Variants in ZNF217 observed in about 807,000 individuals in gnomAD.
ZNF217 encodes the protein zinc finger protein 217.
A neutral mutation model predicts 73.3 loss-of-function variants in ZNF217; 12 were observed. That is an observed-to-expected ratio of 0.16 (90% confidence interval 0.10 to 0.27). The LOEUF (loss-of-function observed/expected upper bound fraction) is 0.27, where lower values mean the gene tolerates loss of function less well. Ranked by LOEUF, ZNF217 falls within the 10% of genes least tolerant of loss-of-function variation. The probability of loss-of-function intolerance (pLI) is 1.00; values close to 1 mark genes in which losing one functional copy is unlikely to be tolerated. For synonymous variants in ZNF217, 588 were observed against 516.4 expected (o/e 1.14, Z -1.88); for missense variants, 1,195 against 1,327.8 (o/e 0.90, Z 1.55).
upstream of ZNF217, among the ~76,000 whole-genome samples, chr20:53,596,699 C>T (rs1989046629): frequency 1.3e-5 from 2 of 152,082 alleles, no homozygotes; most frequent in Non-Finnish European, 2.9e-5. Flanking sequence ...GAACGTTGGT[C>T]TTCCTATGCT....
chr20:53,583,240 G>A (rs1024513637), intron 1 of ZNF217, 72 bp from the exon 2 acceptor site: 8 of 402,268 alleles, frequency 2.0e-5, no homozygotes, highest in East Asian at 7.1e-5. Context: ...TGAGTCATAC[G>A]GTCTTTTCCA....
At position 53,576,021 on chromosome 20, in the gene ZNF217, G is replaced by A. The variant is rs61730989; in HGVS notation, c.2743C>T (p.Pro915Ser). 10,773 of 1,614,196 alleles carry A rather than the reference G, an allele frequency of 6.7e-3. 52 individuals carry two copies. The highest frequency in any genetic ancestry group is 7.9e-3 in the Non-Finnish European group (9,374 of 1,180,032). The change falls in exon 4 of 6, where the codon CCC becomes TCC. Residue 915 changes from proline (P) to serine (S), a missense_variant. Pro to Ser is a moderately conservative substitution (Grantham distance 74, BLOSUM62 -1). Coordinates refer to ENST00000371471, the MANE Select transcript of ZNF217 (RefSeq NM_006526.3). ...CTGGACTTCAGTCTTTTTGGAAGGG[G>A]CTCACCAAATTCTGCTGCAGTATTG... ...ASNTAAEFGE[P>S]LPKRLKSSVV...
chr20:53,574,089 T>C (rs570474752), intron 4 of ZNF217, among the ~76,000 whole-genome samples: 17 of 151,798 alleles, frequency 1.1e-4, no homozygotes, highest in Non-Finnish European at 1.9e-4. Context: ...AAAAATCATC[T>C]CTTCGTTATT....
chr20:53,585,095 G>GAA (rs748460021), intron 1 of ZNF217, among the ~76,000 whole-genome samples: 2,572 of 46,914 alleles, frequency 0.055, 200 homozygotes, highest in East Asian at 0.14. Flanking sequence ...GTGAGAATTT[G>GAA]AAAAAAAAAA....
At chr20:53,570,970 G>A (rs1334150192) in intron 5 of ZNF217, among the ~76,000 whole-genome samples, 1 of 152,180 alleles carries the variant, frequency 6.6e-6, no homozygotes, top group Non-Finnish European at 1.5e-5. Flanking sequence ...TTTCTGTAAA[G>A]GGCCAGACGG....
rs1437166002 is a variant in ZNF217 at position 53,581,260 on chromosome 20, T to C, written c.1366+201A>G. Among the ~76,000 whole-genome samples the C allele has an allele frequency of 2.0e-5, 3 of 152,094 alleles. No homozygotes were observed. The highest frequency in any genetic ancestry group is 2.9e-5 in the Non-Finnish European group (2 of 68,012). On this transcript the variant is annotated intron_variant, in intron 2 of 5. Transcript: ENST00000371471. This position sits in a 1 kb window ranked among gnomAD's most constrained non-coding sequence, Gnocchi z 4.9. ...AAGGAGACCTCTTAACTCAACCCTGTTATTACAGAAATGAGAAAATTAAGG... is the reference window on the plus strand; with the variant it reads ...AAGGAGACCTCTTAACTCAACCCTGCTATTACAGAAATGAGAAAATTAAGG...
chr20:53,581,875 GCCC>G lies in ZNF217; in HGVS notation c.949_951del (p.Gly317del). 6.2e-7 allele frequency: 1 copy of G among 1,614,136 alleles called. No individual in the cohort carries two copies. The highest frequency in any genetic ancestry group is 8.5e-7 in the Non-Finnish European group (1 of 1,180,032). On this transcript the variant is annotated inframe_deletion, in exon 2 of 6. Transcript: ENST00000371471. This position sits in a 1 kb window ranked among gnomAD's most constrained non-coding sequence, Gnocchi z 4.9. ...TCGTCGTTGTCGGTGCTCCCTTCTT[GCCC>G]CGATTCCTTCACTTCTTGGCAAATG...
intron 1 of ZNF217, among the ~76,000 whole-genome samples, chr20:53,590,984 AC>A (rs923064763): frequency 2.5e-4 from 38 of 152,134 alleles, no homozygotes; most frequent in South Asian, 6.2e-4. Flanking sequence ...ATGCAAATCT[AC>A]CCCCACCTTA....
chr20:53,593,587 G>A (rs1327896194), intron 1 of ZNF217, among the ~76,000 whole-genome samples, 169 bp downstream of exon 1: 1 of 151,910 alleles, frequency 6.6e-6, no homozygotes, highest in Non-Finnish European at 1.5e-5. Context: ...GGAGCCGGCT[G>A]GGGAGGGGGC....
At position 53,577,204 on chromosome 20, in the gene ZNF217, T is replaced by C. The variant is rs753595102; in HGVS notation, c.1560A>G (p.Arg520=). 6.2e-7 allele frequency: 1 copy of C among 1,610,722 alleles called. No individual in the cohort carries two copies. The highest frequency in any genetic ancestry group is 8.5e-7 in the Non-Finnish European group (1 of 1,180,034). The change falls in exon 4 of 6, where the codon AGA becomes AGG. Residue 520 remains arginine (R), a synonymous_variant. Transcript: ENST00000371471. ...CATCGGTTTGTTTTTCCTTGTGATG[T>C]CTCTCCAAGTGATACCTCAGAGATG... is the stretch of plus-strand genomic sequence containing the variant. The part of the protein sequence containing the change: ...QKTSLRYHLE[R]HHKEKQTDVA...
chr20:53,588,604 A>C (rs768680310), intron 1 of ZNF217, among the ~76,000 whole-genome samples: 1,350 of 74,046 alleles, frequency 0.018, 10 homozygotes, highest in South Asian at 0.11. Flanking sequence ...CTATATATAT[A>C]TATATATATA....
intron 1 of ZNF217, among the ~76,000 whole-genome samples, chr20:53,586,285 A>C (rs1481079888): frequency 6.6e-6 from 1 of 152,206 alleles, no homozygotes; most frequent in Non-Finnish European, 1.5e-5. Flanking sequence ...GTTTGGCCAC[A>C]GTCACTAACC....
upstream of ZNF217, among the ~76,000 whole-genome samples, chr20:53,594,440 C>G (rs1049339941): frequency 8.6e-5 from 13 of 151,092 alleles, no homozygotes; most frequent in Admixed American, 7.9e-4. Flanking sequence ...CCCTGCTCCG[C>G]CCCCCGCCGC....
At chr20:53,577,736 G>A (rs1340145348) in intron 3 of ZNF217, among the ~76,000 whole-genome samples, 1 of 152,222 alleles carries the variant, frequency 6.6e-6, no homozygotes, top group Non-Finnish European at 1.5e-5. Context: ...GACATAAGAT[G>A]CAGCATTTTA....
At chr20:53,587,727 G>T (rs932863216) in intron 1 of ZNF217, among the ~76,000 whole-genome samples, 10 of 149,540 alleles carry the variant, frequency 6.7e-5, no homozygotes, top group African/African-American at 2.5e-4. Flanking sequence ...TTTGTACCCT[G>T]AAAACTACAA....
rs1330232604 is a variant in ZNF217 at position 53,567,382 on chromosome 20, T to G, written c.*1906A>C. ...GAAAATAATTGGTATTTTTATACAT[T>G]CAGAAATGTGGTTAAAAAGAGAAAT... is the stretch of plus-strand genomic sequence containing the variant. On this transcript the variant is annotated 3_prime_UTR_variant, in exon 6 of 6. Coordinates refer to ENST00000371471, the MANE Select transcript of ZNF217 (RefSeq NM_006526.3). 1.3e-5 allele frequency: 2 copies of G among 152,658 alleles called. No homozygotes were observed. Among genetic ancestry groups the G allele is most frequent in the Non-Finnish European group, 2.9e-5 (2 of 68,042 alleles). The allele number at this position is 152,658 out of a possible 1,614,324, so 9.5% of individuals were successfully genotyped here. A position where few individuals can be genotyped will look rare whatever the true frequency, so the allele number is the denominator to read the frequency against.
In ZNF217 at chr20:53,575,940, G is replaced by A; in HGVS notation, c.2824C>T (p.Leu942Phe). 3 of 1,614,216 alleles carry A rather than the reference G, an allele frequency of 1.9e-6. No individual in the cohort carries two copies. Among genetic ancestry groups the A allele is most frequent in the Non-Finnish European group, 2.5e-6 (3 of 1,180,044 alleles). The change falls in exon 4 of 6, where the codon CTT becomes TTT. Residue 942 changes from leucine to phenylalanine, a missense_variant. This residue lies in a region of ZNF217 where 649 missense variants were observed against 642.8 expected (regional missense o/e 1.01). Coordinates refer to ENST00000371471, the MANE Select transcript of ZNF217 (RefSeq NM_006526.3). ...CCTCTGACCATATGGTACTTGGGAA[G>A]GTCATAGCCTCTTCTGTAATTGGCC... ...PGANYRRGYD[L>F]PKYHMVRGIT...
At chr20:53,589,146 G>A (rs1988797653) in intron 1 of ZNF217, among the ~76,000 whole-genome samples, 1 of 152,114 alleles carries the variant, frequency 6.6e-6, no homozygotes, top group Non-Finnish European at 1.5e-5. Context: ...CACCAATACA[G>A]AAACACTACA....
chr20:53,593,345 C>A (rs1237667895), intron 1 of ZNF217, among the ~76,000 whole-genome samples: 1 of 152,120 alleles, frequency 6.6e-6, no homozygotes, highest in Non-Finnish European at 1.5e-5. Context: ...CGCCGACGTT[C>A]CCCCTCCGCC....
Sources: allele counts gnomAD v4.1 joint callset (sites outside exome capture counted in the v4.1 genomes callset), GRCh38; gene constraint gnomAD v4.1.1; regional missense constraint gnomAD v4.1.1; non-coding constraint Gnocchi (gnomAD v3.1); transcripts MANE v1.5; gene names NCBI Gene and HGNC (gene_info 2026-07-23, HGNC 2026-07-21).